Variants in PRTG observed in about 807,000 individuals in gnomAD.
PRTG encodes the protein protogenin, also known as immunoglobulin superfamily, DCC subclass, member 5.
PRTG carries 67 observed loss-of-function variants against 122.5 expected under a neutral mutation model. The observed-to-expected ratio is 0.55, with a 90% CI of 0.45 to 0.67. The LOEUF is 0.67. Among genes scored for constraint, PRTG ranks in the 30% least tolerant of loss-of-function variants. The probability of loss-of-function intolerance (pLI) is 0.00; values close to 1 mark genes in which losing one functional copy is unlikely to be tolerated. For missense variants in PRTG, 1,435 were observed against 1,415.4 expected, an observed-to-expected ratio of 1.01 and a Z score of -0.22; for synonymous variants, 554 against 501.1, an observed-to-expected ratio of 1.11 and a Z score of -1.41.
chr15:55,623,060 T>C (rs1366722675), intron 18 of PRTG, among the ~76,000 whole-genome samples: 1 of 152,228 alleles, frequency 6.6e-6, no homozygotes, highest in Non-Finnish European at 1.5e-5. Context: ...TTGAATATAA[T>C]TCATAAAATT....
At chr15:55,665,243 G>C (rs569966071) in intron 11 of PRTG, among the ~76,000 whole-genome samples, 19 of 152,128 alleles carry the variant, frequency 1.2e-4, no homozygotes, top group Non-Finnish European at 2.2e-4. Flanking sequence ...CTGGGTGACA[G>C]AGCGAGACTC....
At chr15:55,661,810 C>T (rs79832874) in intron 11 of PRTG, among the ~76,000 whole-genome samples, 2,415 of 151,696 alleles carry the variant, frequency 0.016, 80 homozygotes, top group African/African-American at 0.056. Flanking sequence ...AGCAGTAAAA[C>T]AACTTCAGGC....
chr15:55,729,937 T>C (rs1170049656), intron 2 of PRTG, among the ~76,000 whole-genome samples: 5 of 152,188 alleles, frequency 3.3e-5, no homozygotes, highest in African/African-American at 1.2e-4. Context: ...AGAAATTCCA[T>C]GAAGCGTTAC....
chr15:55,701,054 T>C (rs1357350297), intron 2 of PRTG, among the ~76,000 whole-genome samples: 1 of 152,080 alleles, frequency 6.6e-6, no homozygotes, highest in Non-Finnish European at 1.5e-5. Flanking sequence ...GAAATGCAAA[T>C]TAAAACCACA....
In PRTG at chr15:55,680,099, CA is replaced by C. The variant is rs780492825; in HGVS notation, c.927del (p.Gly310AlafsTer12). 1.9e-5 allele frequency: 30 copies of C among 1,613,734 alleles called. No individual in the cohort carries two copies. Among genetic ancestry groups the C allele is most frequent in the Non-Finnish European group, 2.5e-5 (29 of 1,179,782 alleles). ...ATAGCAACTGTAAAGTTGCGTGTGC[CA>C]GGGGTAGTGGCCCGACAAACATATA... is the stretch of plus-strand genomic sequence containing the variant. Reference protein sequence around the residue: ...AGVYVCRATTPGTRNFTVAMA... With the variant: ...AGVYVCRATTXGTRNFTVAMA... On this transcript the variant is annotated frameshift_variant, in exon 6 of 20. Transcript: ENST00000389286. LOFTEE classifies it high-confidence loss of function.
chr15:55,639,945 C>T (rs2059280390), intron 12 of PRTG, 117 bp from the exon 13 acceptor site: 1 of 1,480,946 alleles, frequency 6.8e-7, no homozygotes, highest in Non-Finnish European at 9.0e-7. Flanking sequence ...CTTTCTTCCA[C>T]CAGAGATTCA....
intron 7 of PRTG, among the ~76,000 whole-genome samples, chr15:55,678,400 T>C (rs1252595279): frequency 2.0e-5 from 3 of 152,124 alleles, no homozygotes; most frequent in Admixed American, 1.3e-4. Context: ...CAGGCATGTG[T>C]AGTTTTTAAA....
At chr15:55,624,741 A>G (rs1000991279) in intron 17 of PRTG, among the ~76,000 whole-genome samples, 1 of 152,196 alleles carries the variant, frequency 6.6e-6, no homozygotes, top group African/African-American at 2.4e-5. Flanking sequence ...ATTACTCTCT[A>G]CAAGTATTGT....
rs536147455 is a variant in PRTG at position 55,619,370 on chromosome 15, A to T, written c.*642T>A. On this transcript the variant is annotated 3_prime_UTR_variant, in exon 20 of 20. Transcript: ENST00000389286. ...TCCTCACAGCCAGAGGTATGAACTT[A>T]TCCAAACCATGCAGATGTCATAGTT... 3.3e-5 allele frequency: 5 copies of T among 152,678 alleles called. No homozygotes were observed. Among genetic ancestry groups the T allele is most frequent in the African/African-American group, 1.2e-4 (5 of 41,578 alleles). 9.5% of individuals were successfully genotyped at this position (152,678 alleles called of 1,614,324 possible). A position where few individuals can be genotyped will look rare whatever the true frequency, so the allele number is the denominator to read the frequency against.
chr15:55,716,333 A>G (rs1486445542), intron 2 of PRTG, among the ~76,000 whole-genome samples: 1 of 152,220 alleles, frequency 6.6e-6, no homozygotes, highest in Admixed American at 6.5e-5. Context: ...TTTTATTTTA[A>G]CCAAGATTGA....
chr15:55,626,841 A>G (rs540126196), intron 17 of PRTG, among the ~76,000 whole-genome samples, 167 bp downstream of exon 17: 1 of 152,342 alleles, frequency 6.6e-6, no homozygotes, highest in South Asian at 2.1e-4. Flanking sequence ...CTCCCTCTAA[A>G]ATGAGCACAT....
chr15:55,721,258 C>T (rs2030812491), intron 2 of PRTG, among the ~76,000 whole-genome samples: 1 of 152,210 alleles, frequency 6.6e-6, no homozygotes, highest in Non-Finnish European at 1.5e-5. Flanking sequence ...TCCCAGCCTC[C>T]ACTCTGCCTA....
At chr15:55,654,490 G>A (rs2059369801) in intron 11 of PRTG, among the ~76,000 whole-genome samples, 1 of 152,104 alleles carries the variant, frequency 6.6e-6, no homozygotes, top group Admixed American at 6.5e-5. Flanking sequence ...GATAATTAAG[G>A]TATAAAATTT....
At chr15:55,629,654 C>T (rs2059216397) in intron 15 of PRTG, among the ~76,000 whole-genome samples, 1 of 151,980 alleles carries the variant, frequency 6.6e-6, no homozygotes, top group Non-Finnish European at 1.5e-5. Flanking sequence ...TCCACTGTGC[C>T]AAGCTTTCAA....
At chr15:55,626,911 C>A in intron 17 of PRTG, 97 bp downstream of exon 17, 1 of 1,077,920 alleles carries the variant, frequency 9.3e-7, no homozygotes, top group South Asian at 2.0e-5. Flanking sequence ...GTAGGAAATC[C>A]CAGTTACTCT....
chr15:55,718,323 A>G (rs976113441), intron 2 of PRTG, among the ~76,000 whole-genome samples: 5 of 152,096 alleles, frequency 3.3e-5, no homozygotes, highest in African/African-American at 4.8e-5. Context: ...TCTTTTACAC[A>G]TCCGTCCCTC....
intron 17 of PRTG, among the ~76,000 whole-genome samples, chr15:55,625,605 A>C (rs1216049854): frequency 4.6e-5 from 7 of 151,036 alleles, no homozygotes; most frequent in African/African-American, 1.7e-4. Flanking sequence ...TCACATGCCC[A>C]CTATGCTCAG....
intron 2 of PRTG, among the ~76,000 whole-genome samples, chr15:55,732,558 G>A (rs977144287): frequency 1.4e-5 from 2 of 139,696 alleles, no homozygotes; most frequent in Non-Finnish European, 1.5e-5. Context: ...GCAATGGCGC[G>A]ATCTCAGCTT....
chr15:55,653,011 C>T (rs963385101), intron 11 of PRTG, among the ~76,000 whole-genome samples: 1 of 152,152 alleles, frequency 6.6e-6, no homozygotes, highest in South Asian at 2.1e-4. Flanking sequence ...AAAATTCATT[C>T]TCCATTTATA....
Sources: gnomAD v4.1 joint callset for allele counts (sites outside exome capture counted in the v4.1 genomes callset) on GRCh38, gnomAD v4.1.1 for gene constraint, MANE v1.5 for transcripts, NCBI Gene and HGNC (gene_info 2026-07-23, HGNC 2026-07-21) for gene names.